Variants in MPHOSPH6 observed in about 807,000 individuals in gnomAD.
MPHOSPH6 encodes M-phase phosphoprotein 6.
Under a neutral mutation model 21.8 loss-of-function variants are expected in MPHOSPH6, and 25 were observed. The observed-to-expected ratio is 1.15, with a 90% CI of 0.83 to 1.60. The LOEUF (loss-of-function observed/expected upper bound fraction) is 1.60. MPHOSPH6 is among the 40% of genes most tolerant of loss of function. The probability of loss-of-function intolerance (pLI) is 0.00; values close to 1 mark genes in which losing one functional copy is unlikely to be tolerated. For synonymous variants in MPHOSPH6, 84 were observed against 56.5 expected (o/e 1.49, Z -2.18); for missense variants, 269 against 181.8 (o/e 1.48, Z -2.76).
At chr16:82,169,028 T>C (rs537098599) in intron 1 of MPHOSPH6, among the ~76,000 whole-genome samples, 37 of 152,162 alleles carry the variant, frequency 2.4e-4, no homozygotes, top group African/African-American at 7.7e-4. Context: ...AAGAAGAGAG[T>C]TACTGCCTGT....
chr16:82,149,440 A>G, intron 3 of MPHOSPH6, 37 bp from the exon 4 acceptor site: 1 of 1,583,884 alleles, frequency 6.3e-7, no homozygotes, highest in Non-Finnish European at 8.6e-7. Context: ...CAGGCTAGAA[A>G]ACGCTTGTGA....
chr16:82,155,829 C>G (rs7186070), intron 2 of MPHOSPH6, among the ~76,000 whole-genome samples: 1 of 151,232 alleles, frequency 6.6e-6, no homozygotes, highest in Non-Finnish European at 1.5e-5. Flanking sequence ...CGCCTGAACC[C>G]GGGAGGTGGA....
chr16:82,152,990 A>G (rs1906315352), intron 2 of MPHOSPH6, among the ~76,000 whole-genome samples: 1 of 152,196 alleles, frequency 6.6e-6, no homozygotes, highest in African/African-American at 2.4e-5. Context: ...AGCTGGGCAC[A>G]GTGGCGGATG....
At chr16:82,159,808 G>A (rs1906550830) in intron 2 of MPHOSPH6, among the ~76,000 whole-genome samples, 1 of 152,092 alleles carries the variant, frequency 6.6e-6, no homozygotes, top group African/African-American at 2.4e-5. Context: ...CTCTAGTCTG[G>A]CTAGAAACTC....
intron 1 of MPHOSPH6, among the ~76,000 whole-genome samples, chr16:82,167,103 T>C (rs115878512): frequency 0.063 from 9,603 of 152,280 alleles, 541 homozygotes; most frequent in African/African-American, 0.14. Context: ...TGAGTAGTTG[T>C]AACAGAGACT....
chr16:82,158,674 C>A (rs1906511497), intron 2 of MPHOSPH6, among the ~76,000 whole-genome samples: 1 of 151,774 alleles, frequency 6.6e-6, no homozygotes, highest in Admixed American at 6.6e-5. Flanking sequence ...ATAAAGTGAA[C>A]CTGACACTTC....
rs1346744657 is a variant in MPHOSPH6 at position 82,149,393 on chromosome 16, A to C, written c.266T>G (p.Leu89Arg). The change falls in exon 4 of 5, where the codon CTT (leucine) becomes CGT (arginine). Residue 89 changes from leucine (L) to arginine (R), a missense_variant. By Grantham distance (102) the Leu-to-Arg change is moderately radical. Coordinates refer to ENST00000258169, the MANE Select transcript of MPHOSPH6 (RefSeq NM_005792.2). ...TGCTTTGTGCTTAGCATTCATCTGA[A>C]GCATCAATTTCTGAAAAATACACCA... is the stretch of plus-strand genomic sequence containing the variant. Reference protein sequence around the residue: ...GFNPEVEKLMLQMNAKHKAEE... With the variant: ...GFNPEVEKLMRQMNAKHKAEE... The C allele has an allele frequency of 6.2e-7, 1 of 1,612,092 alleles. No individual in the cohort carries two copies.
At chr16:82,155,627 G>A (rs1038140936) in intron 2 of MPHOSPH6, among the ~76,000 whole-genome samples, 2 of 152,156 alleles carry the variant, frequency 1.3e-5, no homozygotes, top group African/African-American at 4.8e-5. Flanking sequence ...AATGTTAATA[G>A]GTGCAGTGGC....
At chr16:82,158,977 G>C (rs1388290709) in intron 2 of MPHOSPH6, among the ~76,000 whole-genome samples, 3 of 152,208 alleles carry the variant, frequency 2.0e-5, no homozygotes, top group East Asian at 3.8e-4. Context: ...GACAGACCAA[G>C]ACATGAAAAA....
intron 1 of MPHOSPH6, among the ~76,000 whole-genome samples, chr16:82,167,970 G>T (rs986917087): frequency 2.2e-4 from 33 of 152,064 alleles, no homozygotes; most frequent in Middle Eastern, 3.2e-3. Flanking sequence ...AGTATACTCT[G>T]TTCTATCAGT....
intron 4 of MPHOSPH6, 93 bp downstream of exon 4, chr16:82,149,216 A>G: frequency 1.5e-6 from 2 of 1,322,676 alleles, no homozygotes; most frequent in Non-Finnish European, 2.2e-6. Context: ...ACTCCCTTGA[A>G]AGCTGCCGTG....
At chr16:82,148,927 A>G (rs2142402562) in intron 4 of MPHOSPH6, 64 bp from the exon 5 acceptor site, 6 of 1,571,648 alleles carry the variant, frequency 3.8e-6, no homozygotes, top group Admixed American at 1.9e-5. Flanking sequence ...AAGCCTTGTC[A>G]AGAATATCAG....
At chr16:82,150,819 A>G (rs1446843052) in intron 3 of MPHOSPH6, among the ~76,000 whole-genome samples, 1 of 152,218 alleles carries the variant, frequency 6.6e-6, no homozygotes, top group African/African-American at 2.4e-5. Flanking sequence ...TTTATATCTC[A>G]TGTGTCCATT....
chr16:82,149,731 C>G (rs1248249470), intron 3 of MPHOSPH6, among the ~76,000 whole-genome samples: 2 of 152,148 alleles, frequency 1.3e-5, no homozygotes, highest in Non-Finnish European at 1.5e-5. Context: ...AAATAATAAA[C>G]TTTCAGATTT....
At chr16:82,154,583 G>C (rs1354363903) in intron 2 of MPHOSPH6, among the ~76,000 whole-genome samples, 4 of 151,040 alleles carry the variant, frequency 2.6e-5, no homozygotes, top group African/African-American at 9.8e-5. Flanking sequence ...AATGAAGAAA[G>C]AAACAGAAAG....
At chr16:82,164,336 A>C (rs1906697091) in intron 1 of MPHOSPH6, 142 bp from the exon 2 acceptor site, 1 of 629,328 alleles carries the variant, frequency 1.6e-6, no homozygotes, top group Non-Finnish European at 2.8e-6. Flanking sequence ...GCAAGTGATC[A>C]AACGGTTTAG....
rs147321232 is a variant in MPHOSPH6 at position 82,151,461 on chromosome 16, C to T, written c.218G>A (p.Gly73Glu). ...ATTAAATCCTCTGAATGACATTCTT[C>T]CATAGAGAAGATCTTCACATAGTAA... ...SFLLCEDLLY[G>E]RMSFRGFNPE... Residue 73 changes from glycine (G) to glutamate (E), a missense_variant, in exon 3 of 5, where the codon GGA becomes GAA. Coordinates refer to ENST00000258169, the MANE Select transcript of MPHOSPH6 (RefSeq NM_005792.2). The T allele has an allele frequency of 4.4e-6, 7 of 1,606,844 alleles. No individual in the cohort carries two copies. In the African/African-American group the frequency reaches 9.4e-5, roughly 22 times the overall value.
At chr16:82,151,853 ATTT>A (rs1044787992) in intron 2 of MPHOSPH6, among the ~76,000 whole-genome samples, 3 of 152,126 alleles carry the variant, frequency 2.0e-5, no homozygotes. Flanking sequence ...CCCTCACCAT[ATTT>A]TTTTCCAATT....
Position 82,170,189 on chromosome 16 carries a change from C to T in MPHOSPH6, c.-14G>A, listed in dbSNP as rs375915604. 3 of 1,574,348 alleles carry T rather than the reference C, an allele frequency of 1.9e-6. No homozygotes were observed. The African/African-American group carries it at 4.1e-5, about 22-fold the overall frequency. Reference sequence around the variant, plus strand: ...CTCGGCCGCCATGGTAGCTTCCGCCCAGCGCCGCACTCCGGCCGCGAGCCT... The same window carrying T: ...CTCGGCCGCCATGGTAGCTTCCGCCTAGCGCCGCACTCCGGCCGCGAGCCT... On this transcript the variant is annotated 5_prime_UTR_variant, in exon 1 of 5. Transcript: ENST00000258169.
Sources: gnomAD v4.1 joint callset for allele counts (sites outside exome capture counted in the v4.1 genomes callset) on GRCh38, gnomAD v4.1.1 for gene constraint, MANE v1.5 for transcripts, NCBI Gene and HGNC (gene_info 2026-07-23, HGNC 2026-07-21) for gene names.